PCSK5: variants seen among roughly 807,000 people sequenced by gnomAD.
PCSK5 encodes the protein proprotein convertase subtilisin/kexin type 5.
In PCSK5, 129 loss-of-function variants were observed where a neutral mutation model predicts 233.2. The ratio of observed to expected loss-of-function variants is 0.55; its 90% CI spans 0.48 to 0.64. The LOEUF (loss-of-function observed/expected upper bound fraction) is 0.64. PCSK5 is among the 30% of genes least tolerant of loss of function. PCSK5 has a pLI of 0.00. For synonymous variants in PCSK5, 825 were observed against 879.2 expected, an observed-to-expected ratio of 0.94 and a Z score of 1.09; for missense variants, 2,076 against 2,430.1, an observed-to-expected ratio of 0.85 and a Z score of 3.06.
At chr9:75,915,668 T>A (rs551238221) in intron 1 of PCSK5, among the ~76,000 whole-genome samples, 1 of 152,346 alleles carries the variant, frequency 6.6e-6, no homozygotes, top group South Asian at 2.1e-4. Flanking sequence ...AATTCATGGA[T>A]TAATTTTTAG....
intron 7 of PCSK5, among the ~76,000 whole-genome samples, chr9:76,083,232 A>T (rs1830924072): frequency 6.6e-6 from 1 of 150,960 alleles, no homozygotes. Flanking sequence ...AAAAAAGAAG[A>T]AGTATTTCTT....
chr9:76,094,861 C>T (rs12345570), intron 7 of PCSK5, among the ~76,000 whole-genome samples: 23,189 of 152,124 alleles, frequency 0.15, 1,863 homozygotes, highest in East Asian at 0.23. Flanking sequence ...CTGCTCACCT[C>T]AGCCTCCCAA....
chr9:75,979,111 C>T (rs1753419807), intron 2 of PCSK5, among the ~76,000 whole-genome samples: 1 of 152,062 alleles, frequency 6.6e-6, no homozygotes, highest in Non-Finnish European at 1.5e-5. Flanking sequence ...ACCTTGGCCT[C>T]CCAAAGTGCT....
At chr9:76,142,642 A>G (rs1327412863) in intron 10 of PCSK5, among the ~76,000 whole-genome samples, 1 of 152,230 alleles carries the variant, frequency 6.6e-6, no homozygotes, top group Non-Finnish European at 1.5e-5. Context: ...TATTCAGTTA[A>G]TAATTCTGTT....
At chr9:76,016,152 AATGATACCTAAC>A (rs1400805765) in intron 3 of PCSK5, among the ~76,000 whole-genome samples, 2 of 152,234 alleles carry the variant, frequency 1.3e-5, no homozygotes, top group Non-Finnish European at 2.9e-5. Context: ...AAACTGTGTT[AATGATACCTAAC>A]ATGTAGTGCC....
intron 1 of PCSK5, among the ~76,000 whole-genome samples, chr9:75,897,584 C>T (rs1420457945): frequency 4.6e-5 from 7 of 150,796 alleles, no homozygotes; most frequent in Admixed American, 4.6e-4. Context: ...ACCGCTGCCT[C>T]CTAGGCACAA....
intron 34 of PCSK5, among the ~76,000 whole-genome samples, chr9:76,337,297 G>C (rs373845929): frequency 6.6e-6 from 1 of 151,268 alleles, no homozygotes; most frequent in East Asian, 1.9e-4. Flanking sequence ...CCAAGTAGCT[G>C]GGACTGCACA....
At chr9:76,295,513 C>G in intron 26 of PCSK5, 102 bp downstream of exon 26, 3 of 1,019,020 alleles carry the variant, frequency 2.9e-6, no homozygotes, top group Non-Finnish European at 4.4e-6. Flanking sequence ...AGAGTCTGTG[C>G]GTGTGGGCAC....
At chr9:76,323,020 G>T in intron 31 of PCSK5, 32 bp from the exon 32 acceptor site, 2 of 1,229,600 alleles carry the variant, frequency 1.6e-6, no homozygotes, top group Non-Finnish European at 2.3e-6. Flanking sequence ...CCTACCCCCC[G>T]GGGATAACTT....
rs567478653 is a variant in PCSK5, at chr9:75,992,612, A to G, written c.411+6367A>G. On this transcript the variant is annotated intron_variant, in intron 3 of 37. Transcript: ENST00000674117. ...ACATACACACACATACACACACACA[A>G]TTTTTTTTCTGCCTCACAGAAGGAC... is the stretch of plus-strand genomic sequence containing the variant. Among the ~76,000 whole-genome samples, 14 of 151,678 alleles carry G rather than the reference A, an allele frequency of 9.2e-5. No individual in the cohort carries two copies. The South Asian group carries it at 2.7e-3, about 29-fold the overall frequency.
At chr9:76,139,058 C>CCTGTATTACT (rs1823094708) in intron 10 of PCSK5, among the ~76,000 whole-genome samples, 6 of 152,158 alleles carry the variant, frequency 3.9e-5, no homozygotes, top group Middle Eastern at 3.4e-3. Flanking sequence ...GAGGCCTTAA[C>CCTGTATTACT]TTTTAATAAC....
At chr9:76,036,620 G>A (rs1828870160) in intron 5 of PCSK5, among the ~76,000 whole-genome samples, 1 of 152,178 alleles carries the variant, frequency 6.6e-6, no homozygotes, top group African/African-American at 2.4e-5. Flanking sequence ...CTATTTGAGT[G>A]CAATGTAAAC....
Position 75,891,054 on chromosome 9 carries a change from G to GCCCGGGGCTGCGAGCTGCGGCGA in PCSK5, c.-106_-105insACCCGGGGCTGCGAGCTGCGGCG. On this transcript the variant is annotated 5_prime_UTR_variant, in exon 1 of 38. Transcript: ENST00000674117. The stretch of plus-strand genomic sequence containing the variant: ...CGGGGCTAGCCGCCTCCTGCCGATC[G>GCCCGGGGCTGCGAGCTGCGGCGA]CCCGGGGCTGCGAGCTGCGGCGGCC... The GCCCGGGGCTGCGAGCTGCGGCGA allele has an allele frequency of 2.4e-6, 2 of 819,928 alleles. No individual in the cohort carries two copies. Among genetic ancestry groups the GCCCGGGGCTGCGAGCTGCGGCGA allele is most frequent in the Non-Finnish European group, 3.4e-6 (2 of 592,824 alleles). The allele number at this position is 819,928 out of a possible 1,614,324, so 50.8% of individuals were successfully genotyped here. A position where few individuals can be genotyped will look rare whatever the true frequency, so the allele number is the denominator to read the frequency against.
At chr9:76,328,975 A>ATTTTTTTTTTTTTTTTT (rs59466685) in intron 33 of PCSK5, among the ~76,000 whole-genome samples, 1,186 of 123,216 alleles carry the variant, frequency 9.6e-3, no homozygotes, top group African/African-American at 0.012. Flanking sequence ...CTCCCGGCTA[A>ATTTTTTTTTTTTTTTTT]TTTTTTTTTT....
chr9:76,081,888 T>C (rs2131621495), intron 7 of PCSK5, among the ~76,000 whole-genome samples: 1 of 152,276 alleles, frequency 6.6e-6, no homozygotes, highest in South Asian at 2.1e-4. Context: ...ATCTGCCTTC[T>C]TGTCCTCACA....
chr9:76,320,465 C>CTTCTTTTTTTTTT lies in PCSK5; in HGVS notation c.3885-955_3885-954insCTTTTTTTTTTTT, dbSNP rs1554720984. Reference sequence around the variant, plus strand: ...AAGAAAAAAAAAAAGTACATTGTAGCTTTTTTTTTTTTTTTTTTTTTGAGA... The same window carrying CTTCTTTTTTTTTT: ...AAGAAAAAAAAAAAGTACATTGTAGCTTCTTTTTTTTTTTTTTTTTTTTTTTTTTTTTTTGAGA... On this transcript the variant is annotated intron_variant, in intron 30 of 37. Transcript: ENST00000674117. Among the ~76,000 whole-genome samples the CTTCTTTTTTTTTT allele has an allele frequency of 1.5e-3, 154 of 101,966 alleles. 4 individuals carry two copies. Among genetic ancestry groups the CTTCTTTTTTTTTT allele is most frequent in the Non-Finnish European group, 1.7e-3 (90 of 53,046 alleles). The allele number at this position is 101,966 out of a possible 152,430, so 66.9% of individuals were successfully genotyped here.
intron 10 of PCSK5, among the ~76,000 whole-genome samples, chr9:76,153,866 C>T (rs1823772602): frequency 6.6e-6 from 1 of 152,174 alleles, no homozygotes; most frequent in Non-Finnish European, 1.5e-5. Flanking sequence ...TTCACAGCCC[C>T]TGGAGAGAAT....
intron 20 of PCSK5, among the ~76,000 whole-genome samples, chr9:76,213,074 T>C (rs1343742223): frequency 6.6e-6 from 1 of 152,252 alleles, no homozygotes; most frequent in Non-Finnish European, 1.5e-5. Flanking sequence ...ACATGTATCA[T>C]TGTCATTTCC....
intron 5 of PCSK5, among the ~76,000 whole-genome samples, chr9:76,041,642 C>T (rs1224979555): frequency 1.3e-5 from 2 of 152,030 alleles, no homozygotes; most frequent in Non-Finnish European, 2.9e-5. Context: ...GAGATCAAGA[C>T]AATCCTGGCC....
Sources: gnomAD v4.1 joint callset for allele counts (sites outside exome capture counted in the v4.1 genomes callset) on GRCh38, gnomAD v4.1.1 for gene constraint, MANE v1.5 for transcripts, NCBI Gene and HGNC (gene_info 2026-07-23, HGNC 2026-07-21) for gene names.